Variants in REPS2 observed in about 807,000 individuals in gnomAD.
The protein encoded by REPS2 is ralBP1-associated Eps domain-containing protein 2.
A neutral mutation model predicts 53.6 loss-of-function variants in REPS2; 23 were observed. That is an observed-to-expected ratio of 0.43 (90% CI 0.31 to 0.61). The LOEUF (loss-of-function observed/expected upper bound fraction) is 0.61, where lower values mean the gene tolerates loss of function less well. REPS2 is among the 20% of genes least tolerant of loss of function. REPS2 has a pLI of 0.11. For synonymous variants in REPS2, 238 were observed against 218.6 expected (o/e 1.09, Z -0.78); for missense variants, 446 against 534.9 (o/e 0.83, Z 1.64).
intron 5 of REPS2, among the ~76,000 whole-genome samples, chrX:17,043,512 C>G (rs1423363377): frequency 5.5e-5 from 6 of 109,420 alleles, no homozygotes; most frequent in East Asian, 2.9e-4. Flanking sequence ...TTGCCCCCCC[C>G]CCCGGCTTTG....
intron 10 of REPS2, among the ~76,000 whole-genome samples, chrX:17,069,091 T>C (rs1356584026): frequency 8.9e-6 from 1 of 112,229 alleles, no homozygotes. Context: ...TAGTGCTTTA[T>C]AATCTACCAG....
At chrX:17,068,844 A>T (rs182307227) in intron 10 of REPS2, among the ~76,000 whole-genome samples, 1 of 112,794 alleles carries the variant, frequency 8.9e-6, no homozygotes, top group African/African-American at 3.2e-5. Flanking sequence ...ATACAGCTCT[A>T]ATCCATGAGG....
chrX:17,059,951 T>TCCTTTTGATAGTTTCATCAAGAGTCG lies in REPS2; in HGVS notation c.1115-2462_1115-2461insGCCTTTTGATAGTTTCATCAAGAGTC, dbSNP rs2062134404. ...CCTTTTGATAGTTTCATCAAGAGTC[T>TCCTTTTGATAGTTTCATCAAGAGTCG]CCTTTTGATAGTTTCATCAAGAGTC... is the stretch of plus-strand genomic sequence containing the variant. On this transcript the variant is annotated intron_variant, in intron 8 of 17. Transcript: ENST00000357277. Among the ~76,000 whole-genome samples, 3 of 112,840 alleles carry TCCTTTTGATAGTTTCATCAAGAGTCG rather than the reference T, an allele frequency of 2.7e-5. No homozygotes were observed. In the South Asian group the frequency reaches 1.1e-3, roughly 41 times the overall value.
intron 6 of REPS2, among the ~76,000 whole-genome samples, chrX:17,049,357 C>G (rs918954288): frequency 3.6e-5 from 4 of 111,934 alleles, no homozygotes; most frequent in Non-Finnish European, 5.6e-5. Context: ...TTGTCCTCTT[C>G]TAGTCACCTC....
intron 5 of REPS2, among the ~76,000 whole-genome samples, chrX:17,030,346 C>T (rs1322988599): frequency 6.1e-5 from 6 of 97,944 alleles, no homozygotes; most frequent in South Asian, 4.3e-4. Context: ...TGTGTGTGCA[C>T]GCGCGGGTGT....
In REPS2 at chrX:17,046,029, A is replaced by G. The variant is rs146290651; in HGVS notation, c.772-1318A>G. Among the ~76,000 whole-genome samples, 900 of 110,331 alleles carry G rather than the reference A, an allele frequency of 8.2e-3. 13 individuals are homozygous for G. The highest frequency in any genetic ancestry group is 0.029 in the African/African-American group (868 of 30,333). ...GTTAGTGGGTGGAATTGCCCGCCCA[A>G]TGATTAATTCCCTCCTTGACAGTGT... On this transcript the variant is annotated intron_variant, in intron 5 of 17. Transcript: ENST00000357277.
chrX:16,962,688 C>T (rs1274839855), intron 1 of REPS2, among the ~76,000 whole-genome samples: 1 of 111,864 alleles, frequency 8.9e-6, no homozygotes, highest in Non-Finnish European at 1.9e-5. Flanking sequence ...ACAAAGGTAA[C>T]TATGGAAGGT....
chrX:17,012,897 G>GT (rs2061447408), intron 2 of REPS2, among the ~76,000 whole-genome samples: 1 of 111,567 alleles, frequency 9.0e-6, no homozygotes, highest in Non-Finnish European at 1.9e-5. Flanking sequence ...TTTTGTTGTT[G>GT]TTGGGGGAGA....
chrX:16,968,748 T>C (rs1602542697), intron 1 of REPS2, among the ~76,000 whole-genome samples: 1 of 90,608 alleles, frequency 1.1e-5, no homozygotes, highest in Non-Finnish European at 2.1e-5. Flanking sequence ...GCAGAGGGGC[T>C]CCTCACTTCC....
chrX:16,960,710 T>A (rs2060650300), intron 1 of REPS2, among the ~76,000 whole-genome samples: 1 of 111,820 alleles, frequency 8.9e-6, no homozygotes, highest in Non-Finnish European at 1.9e-5. Flanking sequence ...TATCCCTGTT[T>A]GTAAATGTCA....
At chrX:17,016,412 T>A (rs1047020677) in intron 2 of REPS2, among the ~76,000 whole-genome samples, 1 of 112,085 alleles carries the variant, frequency 8.9e-6, no homozygotes, top group Non-Finnish European at 1.9e-5. Context: ...ATTTTTTTTA[T>A]TTTTTATTTT....
intron 1 of REPS2, among the ~76,000 whole-genome samples, chrX:16,975,084 T>C (rs1465279206): frequency 8.9e-6 from 1 of 112,271 alleles, no homozygotes; most frequent in Non-Finnish European, 1.9e-5. Context: ...CCATGGTGTA[T>C]ATGTACCACA....
intron 14 of REPS2, among the ~76,000 whole-genome samples, chrX:17,109,824 T>G (rs1161429295): frequency 8.9e-6 from 1 of 112,577 alleles, no homozygotes; most frequent in African/African-American, 3.2e-5. Flanking sequence ...ATGGCAGTCA[T>G]GCTACTCTTT....
chrX:17,099,852 G>T (rs1177307222), intron 13 of REPS2: 1 of 619,235 alleles, frequency 1.6e-6, no homozygotes, highest in East Asian at 3.2e-5. Context: ...GACAACCCGT[G>T]GGCATTTGAC....
intron 14 of REPS2, among the ~76,000 whole-genome samples, chrX:17,119,868 CTTTTTTTTTTTTT>C (rs35141257): frequency 2.5e-5 from 1 of 40,516 alleles, no homozygotes; most frequent in Non-Finnish European, 3.9e-5. Context: ...CGCACTGTGA[CTTTTTTTTTTTTT>C]TTTTTTTTTT....
chrX:16,947,137 G>C lies in REPS2; in HGVS notation c.273+3G>C. 1 of 1,075,072 alleles carries C rather than the reference G, an allele frequency of 9.3e-7. No homozygotes were observed. The highest frequency in any genetic ancestry group is 1.9e-5 in the African/African-American group (1 of 52,055). 88.6% of individuals were successfully genotyped at this position (1,075,072 alleles called of 1,213,427 possible). A position where few individuals can be genotyped will look rare whatever the true frequency, so the allele number is the denominator to read the frequency against. The stretch of plus-strand genomic sequence containing the variant: ...TGCCCGCCGAGACGCTGCACCAGGT[G>C]GGTCCCTCCGCCTCCTGTCCCTGCG... On this transcript the variant is annotated splice_donor_region_variant and intron_variant, in intron 1 of 17. Coordinates refer to ENST00000357277, the MANE Select transcript of REPS2 (RefSeq NM_004726.3).
chrX:17,147,355 T>A, intron 17 of REPS2, 58 bp from the exon 18 acceptor site: 1 of 928,387 alleles, frequency 1.1e-6, no homozygotes, highest in Non-Finnish European at 1.5e-6. Flanking sequence ...GAAGTAGGGA[T>A]GAATTCAAGA....
At chrX:17,061,963 T>C (rs2062164154) in intron 8 of REPS2, among the ~76,000 whole-genome samples, 1 of 112,650 alleles carries the variant, frequency 8.9e-6, no homozygotes, top group South Asian at 3.6e-4. Flanking sequence ...TCATGTTGGG[T>C]GCACATCATT....
rs2039555277 is a variant in REPS2, at chrX:17,149,815, C to T, written c.*2334C>T. 8.9e-6 allele frequency: 1 copy of T among 111,798 alleles called. No individual in the cohort carries two copies. Among genetic ancestry groups the T allele is most frequent in the South Asian group, 3.8e-4 (1 of 2,657 alleles). The allele number at this position is 111,798 out of a possible 1,213,427, so 9.2% of individuals were successfully genotyped here. The stretch of plus-strand genomic sequence containing the variant: ...TTAAAAATATTGACATGCTTTTCCC[C>T]TCCCCTCCATGAAGTCAGTGCCAGA... On this transcript the variant is annotated 3_prime_UTR_variant, in exon 18 of 18. Transcript: ENST00000357277.
Sources: allele counts gnomAD v4.1 joint callset (sites outside exome capture counted in the v4.1 genomes callset), GRCh38; gene constraint gnomAD v4.1.1; transcripts MANE v1.5; gene names NCBI Gene and HGNC (gene_info 2026-07-23, HGNC 2026-07-21).